The following PLCB1 variants were observed in gnomAD, a reference collection of about 807,000 sequenced individuals.
PLCB1 encodes phospholipase C beta 1.
A neutral mutation model predicts 161.8 loss-of-function variants in PLCB1; 46 were observed. The ratio of observed to expected loss-of-function variants is 0.28; its 90% CI spans 0.22 to 0.36. The LOEUF (loss-of-function observed/expected upper bound fraction) is 0.36. Ranked by LOEUF, PLCB1 falls within the 10% of genes least tolerant of loss-of-function variation. The pLI is 1.00. For synonymous variants in PLCB1, 517 were observed against 503.7 expected (o/e 1.03, Z -0.35); for missense variants, 1,016 against 1,472.5 (o/e 0.69, Z 5.07).
chr20:8,227,993 A>G (rs2123176257), intron 2 of PLCB1, among the ~76,000 whole-genome samples: 1 of 152,280 alleles, frequency 6.6e-6, no homozygotes, highest in African/African-American at 2.4e-5. Context: ...TCTATCCCTC[A>G]TAAAATCTAA....
rs57592162 is a variant in PLCB1, at chr20:8,473,849, G to A, written c.246+102399G>A. 8.0e-3 allele frequency among the ~76,000 whole-genome samples: 1,218 copies of A among 152,310 alleles called. 20 individuals carry two copies. Among genetic ancestry groups the A allele is most frequent in the African/African-American group, 0.027 (1,133 of 41,556 alleles). ...ACCAGCAGCAGTACAAAAACCTGAT[G>A]CAGAACCTTAACCCCATTTATATAA... On this transcript the variant is annotated intron_variant, in intron 3 of 31. Transcript: ENST00000338037.
chr20:8,620,332 A>G (rs1266197070), intron 3 of PLCB1, among the ~76,000 whole-genome samples: 1 of 152,142 alleles, frequency 6.6e-6, no homozygotes, highest in Non-Finnish European at 1.5e-5. Context: ...TTAAGGGGAC[A>G]CTACTATTAT....
At chr20:8,295,979 T>G (rs1983610135) in intron 2 of PLCB1, among the ~76,000 whole-genome samples, 1 of 152,030 alleles carries the variant, frequency 6.6e-6, no homozygotes, top group Non-Finnish European at 1.5e-5. Flanking sequence ...TCCTCCAAGT[T>G]TACTTATTTT....
intron 24 of PLCB1, among the ~76,000 whole-genome samples, chr20:8,758,307 A>C (rs1981843191): frequency 6.6e-6 from 1 of 151,908 alleles, no homozygotes; most frequent in Non-Finnish European, 1.5e-5. Context: ...CTGGCCAGGC[A>C]TGGTGGCTCA....
At chr20:8,679,275 C>G (rs1990159080) in intron 9 of PLCB1, among the ~76,000 whole-genome samples, 1 of 152,188 alleles carries the variant, frequency 6.6e-6, no homozygotes, top group African/African-American at 2.4e-5. Context: ...TTTTTAGAAG[C>G]TAATAGATAA....
chr20:8,228,927 A>G (rs958960687), intron 2 of PLCB1, among the ~76,000 whole-genome samples: 3 of 152,034 alleles, frequency 2.0e-5, no homozygotes, highest in Non-Finnish European at 2.9e-5. Flanking sequence ...TATATATTTG[A>G]AAATATATAC....
intron 2 of PLCB1, among the ~76,000 whole-genome samples, chr20:8,186,355 T>C (rs1425246122): frequency 6.6e-6 from 1 of 152,194 alleles, no homozygotes; most frequent in East Asian, 1.9e-4. Flanking sequence ...GTTTTGTGTT[T>C]GTTTTAGTTG....
intron 24 of PLCB1, among the ~76,000 whole-genome samples, chr20:8,757,416 G>C (rs111274692): frequency 6.6e-6 from 1 of 152,118 alleles, no homozygotes; most frequent in Non-Finnish European, 1.5e-5. Context: ...CCAGATTTCC[G>C]GTGTCCTTTT....
intron 2 of PLCB1, among the ~76,000 whole-genome samples, chr20:8,324,202 GTGTGT>G (rs1985046177): frequency 3.4e-4 from 1 of 2,930 alleles, no homozygotes; most frequent in East Asian, 0.036. Context: ...TGGTAGGGGT[GTGTGT>G]GTGTGTGTGT....
chr20:8,341,646 C>A (rs150548231), intron 2 of PLCB1, among the ~76,000 whole-genome samples: 1 of 152,296 alleles, frequency 6.6e-6, no homozygotes, highest in African/African-American at 2.4e-5. Context: ...TTTGGCCTGA[C>A]TTTCTACCTC....
chr20:8,284,970 C>T (rs1234663361), intron 2 of PLCB1, among the ~76,000 whole-genome samples: 1 of 151,372 alleles, frequency 6.6e-6, no homozygotes, highest in Non-Finnish European at 1.5e-5. Context: ...TCTGATCTGA[C>T]ATTTATGTGC....
At chr20:8,158,786 A>G (rs2051590108) in intron 2 of PLCB1, among the ~76,000 whole-genome samples, 1 of 152,234 alleles carries the variant, frequency 6.6e-6, no homozygotes, top group African/African-American at 2.4e-5. Flanking sequence ...AAAATCTAGC[A>G]GGGTAGTCAA....
rs760110304 is a variant in PLCB1 at position 8,697,630 on chromosome 20, C to A, written c.1014C>A (p.Gly338=). Residue 338 remains glycine (G), a synonymous_variant, in exon 11 of 32, where the codon GGC becomes GGA. Transcript: ENST00000338037. ...NSSHNTYLTA[G]QLAGNSSVEM... ...TGTTTTGTTGGTGTTTTATAGCTGG[C>A]CAACTGGCTGGAAACTCCTCTGTTG... The A allele has an allele frequency of 3.1e-6, 5 of 1,613,790 alleles. No individual in the cohort carries two copies. The highest frequency in any genetic ancestry group is 3.4e-6 in the Non-Finnish European group (4 of 1,179,880).
At chr20:8,463,439 T>C (rs1275588983) in intron 3 of PLCB1, among the ~76,000 whole-genome samples, 1 of 152,092 alleles carries the variant, frequency 6.6e-6, no homozygotes. Context: ...TAAAGATATA[T>C]TGTTTAATTT....
intron 23 of PLCB1, chr20:8,750,840 C>G (rs750234080): frequency 2.2e-6 from 3 of 1,365,032 alleles, no homozygotes; most frequent in Non-Finnish European, 2.0e-6. Flanking sequence ...GAGACTCACC[C>G]GTAATACGCT....
At chr20:8,224,098 CTT>C (rs1979552075) in intron 2 of PLCB1, among the ~76,000 whole-genome samples, 1 of 152,136 alleles carries the variant, frequency 6.6e-6, no homozygotes, top group African/African-American at 2.4e-5. Context: ...AAACATGTAA[CTT>C]AATTTGCACA....
intron 2 of PLCB1, among the ~76,000 whole-genome samples, chr20:8,158,752 G>A (rs1188437305): frequency 6.6e-6 from 1 of 152,112 alleles, no homozygotes; most frequent in African/African-American, 2.4e-5. Flanking sequence ...CAAAACAAAG[G>A]GGCTACAGGC....
chr20:8,369,057 C>G (rs1253613505), intron 2 of PLCB1, among the ~76,000 whole-genome samples: 1 of 152,114 alleles, frequency 6.6e-6, no homozygotes, highest in Admixed American at 6.5e-5. Flanking sequence ...GTTTTAGTTT[C>G]TCAGTACTAG....
chr20:8,835,932 T>C (rs867731936), intron 31 of PLCB1, among the ~76,000 whole-genome samples: 1 of 152,022 alleles, frequency 6.6e-6, no homozygotes, highest in African/African-American at 2.4e-5. Flanking sequence ...ACCTTTCTGC[T>C]GCTTTGCCTT....
Sources: gnomAD v4.1 joint callset for allele counts (sites outside exome capture counted in the v4.1 genomes callset) on GRCh38, gnomAD v4.1.1 for gene constraint, MANE v1.5 for transcripts, NCBI Gene and HGNC (gene_info 2026-07-23, HGNC 2026-07-21) for gene names.